Variants in KCNQ1 observed in about 807,000 individuals in gnomAD.
The protein encoded by KCNQ1 is potassium voltage-gated channel subfamily KQT member 1.
KCNQ1 carries 49 observed loss-of-function variants against 72.4 expected under a neutral mutation model. The observed-to-expected ratio is 0.68, with a 90% CI of 0.54 to 0.86. The LOEUF (loss-of-function observed/expected upper bound fraction) is 0.86, where lower values mean the gene tolerates loss of function less well. Among genes scored for constraint, KCNQ1 ranks in the 40% least tolerant of loss-of-function variants. The probability of loss-of-function intolerance (pLI) is 0.00; values close to 1 mark genes in which losing one functional copy is unlikely to be tolerated. For synonymous variants in KCNQ1, 450 were observed against 412.6 expected (o/e 1.09, Z -1.10); for missense variants, 790 against 945.1 (o/e 0.84, Z 2.15).
rs80199045 is a variant in KCNQ1 at position 2,817,061 on chromosome 11, G to A, written c.1795-30706G>A. On this transcript the variant is annotated intron_variant, in intron 15 of 15. Transcript: ENST00000155840. The surrounding 1 kb of genome is among the most constrained non-coding windows in gnomAD (Gnocchi z 6.1). ...GTGGCACTCCTGACCCCAGGAGACAGAGGGAACCCACCCTCACCCTAGTCC... is the reference window on the plus strand; with the variant it reads ...GTGGCACTCCTGACCCCAGGAGACAAAGGGAACCCACCCTCACCCTAGTCC... 3.3e-3 allele frequency among the ~76,000 whole-genome samples: 505 copies of A among 152,144 alleles called. 1 individual carries two copies. Among genetic ancestry groups the A allele is most frequent in the African/African-American group, 0.011 (475 of 41,516 alleles).
At position 2,497,675 on chromosome 11, in the gene KCNQ1, TCA is replaced by T. The variant is rs1417454277; in HGVS notation, c.387-30252_387-30251del. On this transcript the variant is annotated intron_variant, in intron 1 of 15. Transcript: ENST00000155840. This position sits in a 1 kb window ranked among gnomAD's most constrained non-coding sequence, Gnocchi z 4.5. ...TCTGAAGCCTACTTCTGTCAATTCG[TCA>T]GTCTCATTCTCCGTCCAGTTTTGTG... Among the ~76,000 whole-genome samples, 2 of 152,208 alleles carry T rather than the reference TCA, an allele frequency of 1.3e-5. No homozygotes were observed. The highest frequency in any genetic ancestry group is 2.9e-5 in the Non-Finnish European group (2 of 68,016).
At position 2,613,993 on chromosome 11, in the gene KCNQ1, T is replaced by C. The variant is rs970351170; in HGVS notation, c.1393+25139T>C. 5 of 398,524 alleles carry C rather than the reference T, an allele frequency of 1.3e-5. No individual in the cohort carries two copies. In the Admixed American group the frequency reaches 1.8e-4, roughly 14 times the overall value. 24.7% of individuals were successfully genotyped at this position (398,524 alleles called of 1,614,324 possible). On this transcript the variant is annotated intron_variant, in intron 10 of 15. Coordinates refer to ENST00000155840, the MANE Select transcript of KCNQ1 (RefSeq NM_000218.3). The surrounding 1 kb of genome is among the most constrained non-coding windows in gnomAD (Gnocchi z 4.8). ...CACTCAACATCCATTCACAGAGATCTTTCTCATTGCATTGCTAAAGTTGCA... is the reference window on the plus strand; with the variant it reads ...CACTCAACATCCATTCACAGAGATCCTTCTCATTGCATTGCTAAAGTTGCA...
At chr11:2,708,189 A>G (rs1180196304) in intron 11 of KCNQ1, among the ~76,000 whole-genome samples, 1 of 152,214 alleles carries the variant, frequency 6.6e-6, no homozygotes, top group Non-Finnish European at 1.5e-5. Flanking sequence ...CTCTTTCCTC[A>G]GTAGGGAGAG....
At chr11:2,619,420 T>C in intron 10 of KCNQ1, 1 of 398,594 alleles carries the variant, frequency 2.5e-6, no homozygotes, top group Non-Finnish European at 4.4e-6. Context: ...TGTGTGTCAA[T>C]TGAGATGATC....
chr11:2,649,497 C>T, intron 10 of KCNQ1: 1 of 398,490 alleles, frequency 2.5e-6, no homozygotes. Flanking sequence ...TCAGTTTTTG[C>T]TTGTCTGAGG....
In KCNQ1 at chr11:2,828,897, A is replaced by T. The variant is rs1847890207; in HGVS notation, c.1795-18870A>T. Reference sequence around the variant, plus strand: ...AGAGAGAAAAAGTAAGTCACACACAAGAGAATAGAAAATCAAAACGGTATC... The same window carrying T: ...AGAGAGAAAAAGTAAGTCACACACATGAGAATAGAAAATCAAAACGGTATC... On this transcript the variant is annotated intron_variant, in intron 15 of 15. Coordinates refer to ENST00000155840, the MANE Select transcript of KCNQ1 (RefSeq NM_000218.3). The surrounding 1 kb of genome is among the most constrained non-coding windows in gnomAD (Gnocchi z 5.3). 6.6e-6 allele frequency among the ~76,000 whole-genome samples: 1 copy of T among 152,240 alleles called. No homozygotes were observed. Among genetic ancestry groups the T allele is most frequent in the Non-Finnish European group, 1.5e-5 (1 of 68,044 alleles).
intron 11 of KCNQ1, among the ~76,000 whole-genome samples, chr11:2,709,338 C>T (rs1850966283): frequency 1.3e-5 from 2 of 149,052 alleles, no homozygotes; most frequent in African/African-American, 5.0e-5. Context: ...CGGGCAGAGG[C>T]TCAGACGCCA....
chr11:2,696,154 G>C, intron 11 of KCNQ1: 1 of 398,622 alleles, frequency 2.5e-6, no homozygotes. Flanking sequence ...CTTGAGGTTT[G>C]TGCTTTCTGG....
In KCNQ1 at chr11:2,735,096, G is replaced by A. The variant is rs1275604639; in HGVS notation, c.1515-33748G>A. On this transcript the variant is annotated intron_variant, in intron 11 of 15. Coordinates refer to ENST00000155840, the MANE Select transcript of KCNQ1 (RefSeq NM_000218.3). This position sits in a 1 kb window ranked among gnomAD's most constrained non-coding sequence, Gnocchi z 7.7. ...TCACCTGTGCCGTGGCTGTCAGCGC[G>A]CATCTGGCTTACATTGAACTCCCCC... Among the ~76,000 whole-genome samples the A allele has an allele frequency of 1.3e-5, 2 of 152,150 alleles. No homozygotes were observed. Among genetic ancestry groups the A allele is most frequent in the African/African-American group, 2.4e-5 (1 of 41,440 alleles).
At position 2,808,573 on chromosome 11, in the gene KCNQ1, T is replaced by C. The variant is rs1424402266; in HGVS notation, c.1794+30536T>C. 6.6e-6 allele frequency among the ~76,000 whole-genome samples: 1 copy of C among 152,016 alleles called. No individual in the cohort carries two copies. Among genetic ancestry groups the C allele is most frequent in the Non-Finnish European group, 1.5e-5 (1 of 68,010 alleles). ...CTATCATTAATTTTTTAAATGGGAG[T>C]CCTCAGGTAGGTTGGTTGATTGAGT... On this transcript the variant is annotated intron_variant, in intron 15 of 15. Transcript: ENST00000155840. The surrounding 1 kb of genome is among the most constrained non-coding windows in gnomAD (Gnocchi z 6.0).
In KCNQ1 at chr11:2,511,223, G is replaced by A. The variant is rs559462618; in HGVS notation, c.387-16705G>A. Among the ~76,000 whole-genome samples the A allele has an allele frequency of 5.3e-5, 8 of 152,254 alleles. No homozygotes were observed. In the South Asian group the frequency reaches 1.7e-3, roughly 32 times the overall value. ...ATGCACCTTGGGTGTGACTGTCACGGAAAAGGAGGAGACGTGGGGTGGGGA... is the reference window on the plus strand; with the variant it reads ...ATGCACCTTGGGTGTGACTGTCACGAAAAAGGAGGAGACGTGGGGTGGGGA... On this transcript the variant is annotated intron_variant, in intron 1 of 15. Coordinates refer to ENST00000155840, the MANE Select transcript of KCNQ1 (RefSeq NM_000218.3).
rs187614775 is a variant in KCNQ1, at chr11:2,583,907, G to A, written c.1032+362G>A. Reference sequence around the variant, plus strand: ...GAGAGGGCACTTCCACGCTGTGGCTGGGGGGGTTTTGTTCCATGTCCTTTC... The same window carrying A: ...GAGAGGGCACTTCCACGCTGTGGCTAGGGGGGTTTTGTTCCATGTCCTTTC... On this transcript the variant is annotated intron_variant, in intron 7 of 15. Transcript: ENST00000155840. Among the ~76,000 whole-genome samples the A allele has an allele frequency of 3.6e-3, 486 of 133,252 alleles. 4 individuals carry two copies. Among genetic ancestry groups the A allele is most frequent in the South Asian group, 0.019 (92 of 4,812 alleles). 87.4% of individuals were successfully genotyped at this position (133,252 alleles called of 152,430 possible).
chr11:2,620,866 T>A lies in KCNQ1; in HGVS notation c.1393+32012T>A. On this transcript the variant is annotated intron_variant, in intron 10 of 15. Coordinates refer to ENST00000155840, the MANE Select transcript of KCNQ1 (RefSeq NM_000218.3). The surrounding 1 kb of genome is among the most constrained non-coding windows in gnomAD (Gnocchi z 4.5). ...TCCCAGCAACTTTTATTTTTTTGAC[T>A]TTTTAATAATTGCCATTCTGACTGG... 1 of 398,586 alleles carries A rather than the reference T, an allele frequency of 2.5e-6. No homozygotes were observed. The allele number at this position is 398,586 out of a possible 1,614,324, so 24.7% of individuals were successfully genotyped here. A position where few individuals can be genotyped will look rare whatever the true frequency, so the allele number is the denominator to read the frequency against.
At position 2,677,347 on chromosome 11, in the gene KCNQ1, G is replaced by A. The variant is rs1347299413; in HGVS notation, c.1514+15266G>A. 2.5e-6 allele frequency: 1 copy of A among 398,444 alleles called. No homozygotes were observed. Among genetic ancestry groups the A allele is most frequent in the African/African-American group, 2.1e-5 (1 of 48,610 alleles). The allele number at this position is 398,444 out of a possible 1,614,324, so 24.7% of individuals were successfully genotyped here. On this transcript the variant is annotated intron_variant, in intron 11 of 15. Coordinates refer to ENST00000155840, the MANE Select transcript of KCNQ1 (RefSeq NM_000218.3). This position sits in a 1 kb window ranked among gnomAD's most constrained non-coding sequence, Gnocchi z 4.5. ...CAAATGATTTCTCAAATAGAGACTG[G>A]GCAGAGTAGACCAGTTAGTTAATCA...
chr11:2,816,248 T>G lies in KCNQ1; in HGVS notation c.1795-31519T>G, dbSNP rs1411008204. On this transcript the variant is annotated intron_variant, in intron 15 of 15. Transcript: ENST00000155840. This position sits in a 1 kb window ranked among gnomAD's most constrained non-coding sequence, Gnocchi z 6.8. ...CGAGTGAAGTGGATAAAGATTCAGG[T>G]TGTGGGAGGGAGACTTGAAGGGCAA... Among the ~76,000 whole-genome samples, 3 of 151,942 alleles carry G rather than the reference T, an allele frequency of 2.0e-5. No individual in the cohort carries two copies. Among genetic ancestry groups the G allele is most frequent in the Admixed American group, 2.0e-4 (3 of 15,262 alleles).
rs779511835 is a variant in KCNQ1 at position 2,783,524 on chromosome 11, T to C, written c.1794+5487T>C. Among the ~76,000 whole-genome samples the C allele has an allele frequency of 6.6e-5, 10 of 152,104 alleles. No homozygotes were observed. The highest frequency in any genetic ancestry group is 3.3e-4 in the Admixed American group (5 of 15,276). ...CATTGGAATGTTTTTATCTGCTTGA[T>C]CTATTATTACTGAGAAGGCATAGGG... On this transcript the variant is annotated intron_variant, in intron 15 of 15. Coordinates refer to ENST00000155840, the MANE Select transcript of KCNQ1 (RefSeq NM_000218.3). This position sits in a 1 kb window ranked among gnomAD's most constrained non-coding sequence, Gnocchi z 5.2.
In KCNQ1 at chr11:2,543,027, C is replaced by T. The variant is rs183326401; in HGVS notation, c.477+15009C>T. On this transcript the variant is annotated intron_variant, in intron 2 of 15. Coordinates refer to ENST00000155840, the MANE Select transcript of KCNQ1 (RefSeq NM_000218.3). The surrounding 1 kb of genome is among the most constrained non-coding windows in gnomAD (Gnocchi z 5.6). ...CATGTTAGCCAGTCTAAGAGGTGTG[C>T]GTGGCATCCTGCTGTGGTTTTAACT... Among the ~76,000 whole-genome samples the T allele has an allele frequency of 1.3e-5, 2 of 152,032 alleles. No individual in the cohort carries two copies. Among genetic ancestry groups the T allele is most frequent in the Non-Finnish European group, 1.5e-5 (1 of 68,034 alleles).
intron 11 of KCNQ1, chr11:2,666,282 G>A (rs774351801): frequency 7.5e-6 from 3 of 398,646 alleles, no homozygotes; most frequent in South Asian, 1.3e-4. Context: ...GGCAGAGGGG[G>A]TGGAAAGAAG....
intron 11 of KCNQ1, among the ~76,000 whole-genome samples, chr11:2,730,185 A>G (rs231909): frequency 0.41 from 62,634 of 152,138 alleles, 13,547 homozygotes; most frequent in African/African-American, 0.51. Flanking sequence ...GAGGGAGGCC[A>G]CTGCACTAGT....
Sources: allele counts gnomAD v4.1 joint callset (sites outside exome capture counted in the v4.1 genomes callset), GRCh38; gene constraint gnomAD v4.1.1; non-coding constraint Gnocchi (gnomAD v3.1); transcripts MANE v1.5; gene names NCBI Gene and HGNC (gene_info 2026-07-23, HGNC 2026-07-21).